Variants in DYNC1I1 observed in about 807,000 individuals in gnomAD.
DYNC1I1 encodes cytoplasmic dynein 1 intermediate chain 1.
DYNC1I1 carries 43 observed loss-of-function variants against 86.6 expected under a neutral mutation model. The observed-to-expected ratio is 0.50, with a 90% CI of 0.39 to 0.64. DYNC1I1 has a LOEUF of 0.64. Among genes scored for constraint, DYNC1I1 ranks in the 30% least tolerant of loss-of-function variants. DYNC1I1 has a pLI of 0.00. For synonymous variants in DYNC1I1, 262 were observed against 283.7 expected, an observed-to-expected ratio of 0.92 and a Z score of 0.77; for missense variants, 604 against 788.8, an observed-to-expected ratio of 0.77 and a Z score of 2.81.
Position 96,097,720 on chromosome 7 carries a change from G to C in DYNC1I1, c.*127G>C, listed in dbSNP as rs1350089356. 1.4e-6 allele frequency: 2 copies of C among 1,432,930 alleles called. No homozygotes were observed. The highest frequency in any genetic ancestry group is 1.8e-6 in the Non-Finnish European group (2 of 1,083,704). 88.8% of individuals were successfully genotyped at this position (1,432,930 alleles called of 1,614,324 possible). On this transcript the variant is annotated 3_prime_UTR_variant, in exon 17 of 17. Coordinates refer to ENST00000447467, the MANE Select transcript of DYNC1I1 (RefSeq NM_001135556.2). ...GCTGTGATATTTTGGGTGCCATATTGTGCCAGCTTTGCTCCAAGTATTCTA... is the reference window on the plus strand; with the variant it reads ...GCTGTGATATTTTGGGTGCCATATTCTGCCAGCTTTGCTCCAAGTATTCTA...
At chr7:95,940,364 G>A (rs1368146941) in intron 6 of DYNC1I1, among the ~76,000 whole-genome samples, 3 of 152,112 alleles carry the variant, frequency 2.0e-5, no homozygotes. Context: ...GATTGGGGAA[G>A]TTCTCCTGGA....
chr7:96,058,835 G>C (rs892699768), intron 14 of DYNC1I1, among the ~76,000 whole-genome samples: 1 of 143,086 alleles, frequency 7.0e-6, no homozygotes, highest in Non-Finnish European at 1.5e-5. Context: ...GTGGAGACAG[G>C]GTTTCACCAT....
intron 6 of DYNC1I1, among the ~76,000 whole-genome samples, chr7:95,886,670 C>G (rs1790601328): frequency 6.6e-6 from 1 of 152,006 alleles, no homozygotes; most frequent in African/African-American, 2.4e-5. Flanking sequence ...GTGAATTAAC[C>G]AAGTATGCCA....
At chr7:95,944,619 C>T (rs1199047571) in intron 6 of DYNC1I1, among the ~76,000 whole-genome samples, 1 of 152,104 alleles carries the variant, frequency 6.6e-6, no homozygotes, top group Non-Finnish European at 1.5e-5. Flanking sequence ...GACTTGGAAC[C>T]AACTCAAATG....
chr7:95,835,515 C>G (rs1415954137), intron 5 of DYNC1I1, among the ~76,000 whole-genome samples: 1 of 151,352 alleles, frequency 6.6e-6, no homozygotes, highest in Non-Finnish European at 1.5e-5. Context: ...GAGTTCAATT[C>G]CTGGGTACCC....
chr7:96,017,443 A>G (rs1794431470), intron 10 of DYNC1I1, among the ~76,000 whole-genome samples: 1 of 152,184 alleles, frequency 6.6e-6, no homozygotes, highest in South Asian at 2.1e-4. Context: ...GTCAGTACTG[A>G]AAAAGCCACC....
At chr7:95,989,750 G>A (rs1234278349) in intron 9 of DYNC1I1, among the ~76,000 whole-genome samples, 1 of 152,084 alleles carries the variant, frequency 6.6e-6, no homozygotes, top group African/African-American at 2.4e-5. Flanking sequence ...CCCTATTTTT[G>A]TGTGACCTGC....
chr7:96,089,134 T>G (rs1232503601), intron 16 of DYNC1I1, among the ~76,000 whole-genome samples: 1 of 149,620 alleles, frequency 6.7e-6, no homozygotes, highest in African/African-American at 2.5e-5. Context: ...AATAAGAAAG[T>G]GAACACCTTC....
intron 6 of DYNC1I1, among the ~76,000 whole-genome samples, chr7:95,885,792 C>T (rs1367582707): frequency 6.6e-6 from 1 of 152,146 alleles, no homozygotes; most frequent in Non-Finnish European, 1.5e-5. Context: ...TGGTCTTGAT[C>T]TTAGCTTCTT....
chr7:95,813,068 C>G, intron 3 of DYNC1I1, 179 bp from the exon 4 acceptor site: 1 of 1,344,510 alleles, frequency 7.4e-7, no homozygotes, highest in Non-Finnish European at 1.0e-6. Flanking sequence ...ACAAAAAATT[C>G]ACTGGACTTT....
chr7:95,987,091 G>A lies in DYNC1I1; in HGVS notation c.779G>A (p.Arg260His), dbSNP rs1423892270. Residue 260 changes from arginine to histidine, a missense_variant, in exon 9 of 17, where the codon CGT (arginine) becomes CAT (histidine). Arg to His is a conservative substitution (Grantham distance 29). Coordinates refer to ENST00000447467, the MANE Select transcript of DYNC1I1 (RefSeq NM_001135556.2). ...VQAGANLSFNRQFYDEHWSKH... is the reference protein window; with the variant it reads ...VQAGANLSFNHQFYDEHWSKH... ...GCTGGAGCCAATCTTTCTTTCAATC[G>A]TCAGTTCTATGATGAACATTGGTCC... 16 of 1,613,784 alleles carry A rather than the reference G, an allele frequency of 9.9e-6. No homozygotes were observed. Among genetic ancestry groups the A allele is most frequent in the Admixed American group, 1.7e-5 (1 of 60,004 alleles).
chr7:95,889,361 T>C (rs1790678059), intron 6 of DYNC1I1, among the ~76,000 whole-genome samples: 1 of 152,164 alleles, frequency 6.6e-6, no homozygotes, highest in Non-Finnish European at 1.5e-5. Flanking sequence ...CGACTTCCTG[T>C]TCAATAAATA....
intron 6 of DYNC1I1, among the ~76,000 whole-genome samples, chr7:95,871,836 A>G (rs1790178707): frequency 6.6e-6 from 1 of 152,206 alleles, no homozygotes; most frequent in Admixed American, 6.5e-5. Context: ...TATTGGCAGA[A>G]GTTCTTTCTG....
intron 5 of DYNC1I1, among the ~76,000 whole-genome samples, chr7:95,848,929 A>G (rs2633945): frequency 0.49 from 74,695 of 151,912 alleles, 20,893 homozygotes; most frequent in Non-Finnish European, 0.65. Flanking sequence ...TCTAACATGT[A>G]TAAGGTGATA....
At chr7:95,907,378 T>C (rs989895276) in intron 6 of DYNC1I1, among the ~76,000 whole-genome samples, 2 of 152,144 alleles carry the variant, frequency 1.3e-5, no homozygotes, top group African/African-American at 4.8e-5. Flanking sequence ...GGGGAAACTT[T>C]AGGACTTCTG....
chr7:95,862,037 C>A (rs1446385189), intron 5 of DYNC1I1, among the ~76,000 whole-genome samples: 1 of 152,112 alleles, frequency 6.6e-6, no homozygotes, highest in Non-Finnish European at 1.5e-5. Flanking sequence ...ACATTATATA[C>A]AAAAATTAAC....
At chr7:95,776,743 G>C (rs1488155127) in intron 1 of DYNC1I1, among the ~76,000 whole-genome samples, 5 of 152,176 alleles carry the variant, frequency 3.3e-5, no homozygotes, top group Non-Finnish European at 7.4e-5. Flanking sequence ...AACATCAACT[G>C]ACACTGAGTC....
chr7:95,924,553 C>T (rs372366232), intron 6 of DYNC1I1, among the ~76,000 whole-genome samples: 3 of 152,124 alleles, frequency 2.0e-5, no homozygotes, highest in Admixed American at 6.6e-5. Flanking sequence ...GTATGTCCAT[C>T]GGACAGCAGT....
intron 10 of DYNC1I1, among the ~76,000 whole-genome samples, chr7:96,014,913 T>C (rs1171176602): frequency 2.0e-5 from 3 of 152,164 alleles, no homozygotes; most frequent in African/African-American, 7.2e-5. Flanking sequence ...TTAGCAGTCT[T>C]AGAAGCTTTC....
Sources: allele counts gnomAD v4.1 joint callset (sites outside exome capture counted in the v4.1 genomes callset), GRCh38; gene constraint gnomAD v4.1.1; transcripts MANE v1.5; gene names NCBI Gene and HGNC (gene_info 2026-07-23, HGNC 2026-07-21).